Variants in GASK1A observed in about 807,000 individuals in gnomAD.
The protein encoded by GASK1A is Golgi-associated kinase 1A.
In GASK1A, 40 loss-of-function variants were observed where a neutral mutation model predicts 41.2. The ratio of observed to expected loss-of-function variants is 0.97; its 90% CI spans 0.75 to 1.27. The LOEUF (loss-of-function observed/expected upper bound fraction) is 1.27. GASK1A is among the 50% of genes most tolerant of loss of function. The probability of loss-of-function intolerance (pLI) is 0.00; values close to 1 mark genes in which losing one functional copy is unlikely to be tolerated. For missense variants in GASK1A, 678 were observed against 745.1 expected (o/e 0.91, Z 1.05); for synonymous variants, 316 against 307.1 (o/e 1.03, Z -0.30).
intron 1 of GASK1A, among the ~76,000 whole-genome samples, chr3:42,985,546 CGTGT>C (rs56195274): frequency 0.24 from 31,801 of 134,618 alleles, 3,836 homozygotes; most frequent in East Asian, 0.43. Flanking sequence ...CCTGTGCATA[CGTGT>C]GTGTGTGTGT....
At chr3:43,056,115 A>G in intron 4 of GASK1A, 61 bp from the exon 5 acceptor site, 1 of 1,349,776 alleles carries the variant, frequency 7.4e-7, no homozygotes, top group Non-Finnish European at 1.0e-6. Context: ...TGTTACTGAA[A>G]TTCTCTGAGA....
Position 43,032,787 on chromosome 3 carries a change from C to G in GASK1A, c.524C>G (p.Pro175Arg). The change falls in exon 2 of 5, where the codon CCA (proline) becomes CGA (arginine). Residue 175 changes from proline (P) to arginine (R), a missense_variant. Coordinates refer to ENST00000430121, the MANE Select transcript of GASK1A (RefSeq NM_001129908.3). ...SEVVTLVSPL[P>R]GSDMAALPAW... ...GTGGTCACCCTGGTCAGTCCACTCCCAGGGAGTGACATGGCAGCTTTACCG... is the reference window on the plus strand; with the variant it reads ...GTGGTCACCCTGGTCAGTCCACTCCGAGGGAGTGACATGGCAGCTTTACCG... 6.4e-7 allele frequency: 1 copy of G among 1,550,912 alleles called. No individual in the cohort carries two copies. Among genetic ancestry groups the G allele is most frequent in the Non-Finnish European group, 8.7e-7 (1 of 1,146,998 alleles).
chr3:42,999,017 G>T (rs1291493721), intron 1 of GASK1A, among the ~76,000 whole-genome samples: 1 of 151,842 alleles, frequency 6.6e-6, no homozygotes, highest in African/African-American at 2.4e-5. Flanking sequence ...GTGTACACGT[G>T]TACATATCAG....
chr3:43,019,757 A>AACACACACACACAC (rs148054172), intron 1 of GASK1A, among the ~76,000 whole-genome samples: 435 of 146,592 alleles, frequency 3.0e-3, no homozygotes, highest in Non-Finnish European at 3.8e-3. Context: ...TTCCGTTTTT[A>AACACACACACACAC]ACACACACAC....
chr3:42,985,546 C>CTTGT (rs1174325045), intron 1 of GASK1A, among the ~76,000 whole-genome samples: 1 of 134,702 alleles, frequency 7.4e-6, no homozygotes, highest in Admixed American at 7.4e-5. Context: ...CCTGTGCATA[C>CTTGT]GTGTGTGTGT....
intron 1 of GASK1A, among the ~76,000 whole-genome samples, chr3:43,022,076 G>T (rs570423951): frequency 6.6e-6 from 1 of 152,138 alleles, no homozygotes; most frequent in African/African-American, 2.4e-5. Flanking sequence ...AGGTGGGGCC[G>T]CCCCCCGGCA....
At chr3:43,055,746 G>A (rs907435342) in intron 4 of GASK1A, 8 of 550,976 alleles carry the variant, frequency 1.5e-5, no homozygotes, top group East Asian at 9.5e-5. Flanking sequence ...AGAGGGCCTC[G>A]TGCCTGCAGA....
In GASK1A at chr3:43,025,448, A is replaced by T. The variant is rs148072880; in HGVS notation, c.4-6819A>T. ...AGGATGAGATGGTGAATAAATTAGA[A>T]AGTGGAGAACTGCTAGGTGACCCTG... On this transcript the variant is annotated intron_variant, in intron 1 of 4. Transcript: ENST00000430121. 3.9e-4 allele frequency among the ~76,000 whole-genome samples: 60 copies of T among 152,266 alleles called. No individual in the cohort carries two copies. In the East Asian group the frequency reaches 9.4e-3, roughly 24 times the overall value.
intron 1 of GASK1A, among the ~76,000 whole-genome samples, chr3:42,988,231 A>T (rs997296061): frequency 6.6e-6 from 1 of 152,064 alleles, no homozygotes; most frequent in Non-Finnish European, 1.5e-5. Flanking sequence ...TCCTCCTGCC[A>T]TGAGCTTGGA....
intron 1 of GASK1A, among the ~76,000 whole-genome samples, chr3:43,000,973 C>A (rs149060047): frequency 0.018 from 2,758 of 152,246 alleles, 82 homozygotes; most frequent in African/African-American, 0.058. Flanking sequence ...CCCTATGGCA[C>A]CATCATGAAC....
At position 42,984,752 on chromosome 3, in the gene GASK1A, G is replaced by A. The variant is rs914896563; in HGVS notation, c.3+5107G>A. Among the ~76,000 whole-genome samples, 2 of 152,224 alleles carry A rather than the reference G, an allele frequency of 1.3e-5. No individual in the cohort carries two copies. Among genetic ancestry groups the A allele is most frequent in the Non-Finnish European group, 2.9e-5 (2 of 68,048 alleles). Reference sequence around the variant, plus strand: ...TTTAAGGGTACCGCTTTGCTTTAGAGCAGAAAGCAGGGTCCTTTAAATGAA... The same window carrying A: ...TTTAAGGGTACCGCTTTGCTTTAGAACAGAAAGCAGGGTCCTTTAAATGAA... On this transcript the variant is annotated intron_variant, in intron 1 of 4. Coordinates refer to ENST00000430121, the MANE Select transcript of GASK1A (RefSeq NM_001129908.3). The surrounding 1 kb of genome is among the most constrained non-coding windows in gnomAD (Gnocchi z 4.2).
intron 1 of GASK1A, among the ~76,000 whole-genome samples, chr3:43,023,073 G>A (rs893690701): frequency 6.6e-6 from 1 of 152,128 alleles, no homozygotes; most frequent in Non-Finnish European, 1.5e-5. Flanking sequence ...TTTAGAAAAA[G>A]GATCTTTGCA....
chr3:43,021,528 A>G (rs1559402376), intron 1 of GASK1A, among the ~76,000 whole-genome samples: 1 of 152,124 alleles, frequency 6.6e-6, no homozygotes, highest in Non-Finnish European at 1.5e-5. Context: ...GTATTTTCAG[A>G]CCCCTGAAAG....
chr3:43,053,721 G>A (rs1157598272), intron 3 of GASK1A, 78 bp downstream of exon 3: 8 of 1,485,190 alleles, frequency 5.4e-6, no homozygotes, highest in Non-Finnish European at 5.5e-6. Flanking sequence ...CTGTTAACAA[G>A]TTTCAGAGAT....
intron 1 of GASK1A, among the ~76,000 whole-genome samples, chr3:43,018,820 G>A (rs2089507264): frequency 6.6e-6 from 1 of 152,194 alleles, no homozygotes; most frequent in African/African-American, 2.4e-5. Flanking sequence ...TTTGAGAGAA[G>A]GCCCACCCCA....
At chr3:43,046,948 G>A (rs1273305370) in intron 2 of GASK1A, among the ~76,000 whole-genome samples, 1 of 152,208 alleles carries the variant, frequency 6.6e-6, no homozygotes, top group East Asian at 1.9e-4. Flanking sequence ...ATTGAGCTTT[G>A]GAAACCTTCA....
intron 1 of GASK1A, among the ~76,000 whole-genome samples, chr3:43,026,217 G>A (rs1377321694): frequency 6.6e-6 from 1 of 152,228 alleles, no homozygotes; most frequent in Non-Finnish European, 1.5e-5. Context: ...GATACATAAA[G>A]AGCCATGCCA....
chr3:43,043,577 C>G (rs2089648398), intron 2 of GASK1A, among the ~76,000 whole-genome samples: 1 of 152,196 alleles, frequency 6.6e-6, no homozygotes, highest in Non-Finnish European at 1.5e-5. Flanking sequence ...ACTCATTATT[C>G]AGCCTCATCT....
In GASK1A at chr3:43,042,007, T is replaced by C. The variant is rs116734721; in HGVS notation, c.1290+8454T>C. Among the ~76,000 whole-genome samples, 375 of 152,310 alleles carry C rather than the reference T, an allele frequency of 2.5e-3. 1 individual carries two copies. Among genetic ancestry groups the C allele is most frequent in the African/African-American group, 8.8e-3 (365 of 41,568 alleles). On this transcript the variant is annotated intron_variant, in intron 2 of 4. Transcript: ENST00000430121. ...GGCCACCAGGGACAGCAGGTTGCTC[T>C]TCTGGAGTCTACGAGACCCAGATCA...
Sources: gnomAD v4.1 joint callset for allele counts (sites outside exome capture counted in the v4.1 genomes callset) on GRCh38, gnomAD v4.1.1 for gene constraint, Gnocchi (gnomAD v3.1) non-coding constraint, MANE v1.5 for transcripts, NCBI Gene and HGNC (gene_info 2026-07-23, HGNC 2026-07-21) for gene names.